Variants in CDC37L1 observed in about 807,000 individuals in gnomAD.
The protein encoded by CDC37L1 is hsp90 co-chaperone Cdc37-like 1.
A neutral mutation model predicts 45.9 loss-of-function variants in CDC37L1; 32 were observed. The ratio of observed to expected loss-of-function variants is 0.70; its 90% CI spans 0.53 to 0.94. The LOEUF is 0.94. CDC37L1 is among the 40% of genes least tolerant of loss of function. CDC37L1 has a pLI of 0.00. For missense variants in CDC37L1, 434 were observed against 405.7 expected (o/e 1.07, Z -0.60); for synonymous variants, 150 against 133.0 (o/e 1.13, Z -0.88).
chr9:4,687,830 G>C (rs1444848461), intron 2 of CDC37L1, among the ~76,000 whole-genome samples: 1 of 152,096 alleles, frequency 6.6e-6, no homozygotes, highest in Non-Finnish European at 1.5e-5. Flanking sequence ...GATTAGGCAA[G>C]AGTTGCAAAT....
chr9:4,697,988 T>G (rs1044490647), intron 5 of CDC37L1, 109 bp downstream of exon 5: 5 of 981,552 alleles, frequency 5.1e-6, no homozygotes, highest in South Asian at 3.2e-5. Context: ...ACAGGCTAAA[T>G]TCTGTAGATT....
chr9:4,687,011 A>G (rs2130844833), intron 2 of CDC37L1, among the ~76,000 whole-genome samples: 1 of 152,364 alleles, frequency 6.6e-6, no homozygotes, highest in Non-Finnish European at 1.5e-5. Flanking sequence ...TTGCTTTTTA[A>G]CGTGGCTAAT....
intron 1 of CDC37L1, among the ~76,000 whole-genome samples, chr9:4,683,891 C>CT (rs1169029614): frequency 6.6e-6 from 1 of 152,192 alleles, no homozygotes; most frequent in Non-Finnish European, 1.5e-5. Flanking sequence ...TATTGAATGT[C>CT]TATCACAGTA....
chr9:4,690,970 G>A (rs1057222684), intron 3 of CDC37L1, among the ~76,000 whole-genome samples: 2 of 152,228 alleles, frequency 1.3e-5, no homozygotes. Context: ...CCAACTTGTA[G>A]TCATGGGGAA....
chr9:4,685,883 C>G (rs1003679996), intron 2 of CDC37L1, among the ~76,000 whole-genome samples: 2 of 152,130 alleles, frequency 1.3e-5, no homozygotes, highest in Non-Finnish European at 2.9e-5. Flanking sequence ...GAAAAATAGG[C>G]CAGGCTTAGT....
chr9:4,703,961 C>G (rs952428706), intron 6 of CDC37L1, among the ~76,000 whole-genome samples: 1 of 152,052 alleles, frequency 6.6e-6, no homozygotes, highest in Admixed American at 6.6e-5. Flanking sequence ...TTTGAGCATC[C>G]TGATGTGGTC....
intron 1 of CDC37L1, among the ~76,000 whole-genome samples, chr9:4,682,733 A>C (rs1263879297): frequency 6.6e-6 from 1 of 151,788 alleles, no homozygotes; most frequent in African/African-American, 2.4e-5. Flanking sequence ...TCAGCCTCCC[A>C]AAGTGCTGGG....
chr9:4,687,215 T>C (rs955092742), intron 2 of CDC37L1, among the ~76,000 whole-genome samples: 2 of 152,202 alleles, frequency 1.3e-5, no homozygotes, highest in African/African-American at 4.8e-5. Context: ...GGTATAAATA[T>C]GATCACAGAA....
At chr9:4,680,810 C>G (rs962549035) in intron 1 of CDC37L1, among the ~76,000 whole-genome samples, 1 of 152,144 alleles carries the variant, frequency 6.6e-6, no homozygotes, top group African/African-American at 2.4e-5. Flanking sequence ...AAGAGTGTAA[C>G]AGATTTAATA....
intron 2 of CDC37L1, 93 bp downstream of exon 2, chr9:4,685,251 C>T (rs369239119): frequency 2.3e-5 from 22 of 957,138 alleles, no homozygotes; most frequent in African/African-American, 2.0e-4. Flanking sequence ...CAGCAGAATC[C>T]CATAAACAGT....
At chr9:4,703,751 A>C (rs1587625026) in intron 6 of CDC37L1, among the ~76,000 whole-genome samples, 1 of 152,210 alleles carries the variant, frequency 6.6e-6, no homozygotes, top group Non-Finnish European at 1.5e-5. Context: ...TGAGAGAAGT[A>C]AGTCCTTGTT....
intron 2 of CDC37L1, chr9:4,685,427 A>G (rs1381562682): frequency 3.4e-6 from 1 of 290,688 alleles, no homozygotes. Context: ...ATTAAAAAAC[A>G]TTCACAAGAA....
At position 4,679,775 on chromosome 9, in the gene CDC37L1, A is replaced by C. The variant is rs756399810; in HGVS notation, c.8A>C (p.Gln3Pro). The C allele has an allele frequency of 1.9e-6, 3 of 1,612,518 alleles. No homozygotes were observed. The highest frequency in any genetic ancestry group is 1.1e-5 in the South Asian group (1 of 90,980). The change falls in exon 1 of 7, where the codon CAA (glutamine) becomes CCA (proline). Residue 3 changes from glutamine to proline, a missense_variant. Coordinates refer to ENST00000381854, the MANE Select transcript of CDC37L1 (RefSeq NM_017913.4). ...GACCCGGAGCAGCCGGACATGGAAC[A>C]ACCGTGGCCGCCTCCGGGACCCTGG... ME[Q>P]PWPPPGPWSL...
chr9:4,691,199 G>T (rs1474352116), intron 3 of CDC37L1, among the ~76,000 whole-genome samples: 1 of 152,116 alleles, frequency 6.6e-6, no homozygotes, highest in Non-Finnish European at 1.5e-5. Flanking sequence ...AAATTCAGGG[G>T]TACATGTGCA....
At chr9:4,701,730 G>T in intron 5 of CDC37L1, 134 bp from the exon 6 acceptor site, 1 of 540,322 alleles carries the variant, frequency 1.9e-6, no homozygotes, top group East Asian at 3.3e-5. Context: ...CAGGGATCGT[G>T]GTGGTTTCTA....
rs764882435 is a variant in CDC37L1, at chr9:4,697,748, C to G, written c.625-9C>G. On this transcript the variant is annotated splice_polypyrimidine_tract_variant and intron_variant, in intron 4 of 6. Transcript: ENST00000381854. ...TATTTGTTTCTTATATCATTTAAAT[C>G]TTTTTCAGAAAGGGGCTTTAATGGA... 1 of 1,390,096 alleles carries G rather than the reference C, an allele frequency of 7.2e-7. No homozygotes were observed. Among genetic ancestry groups the G allele is most frequent in the Admixed American group, 1.8e-5 (1 of 54,698 alleles). The allele number at this position is 1,390,096 out of a possible 1,614,324, so 86.1% of individuals were successfully genotyped here. A position where few individuals can be genotyped will look rare whatever the true frequency, so the allele number is the denominator to read the frequency against.
chr9:4,683,398 G>C (rs1841216476), intron 1 of CDC37L1, among the ~76,000 whole-genome samples: 1 of 151,876 alleles, frequency 6.6e-6, no homozygotes, highest in African/African-American at 2.4e-5. Context: ...GCATAACTTG[G>C]GTCGGGAGAC....
intron 1 of CDC37L1, among the ~76,000 whole-genome samples, chr9:4,684,179 G>A (rs1391309050): frequency 6.6e-5 from 10 of 152,182 alleles, no homozygotes. Flanking sequence ...AGGTACTTGG[G>A]AGGCTGAGGC....
chr9:4,690,115 C>A (rs1310728204), intron 3 of CDC37L1, among the ~76,000 whole-genome samples: 1 of 152,168 alleles, frequency 6.6e-6, no homozygotes, highest in Non-Finnish European at 1.5e-5. Context: ...ATAAAACCTG[C>A]TTCTGGGTAG....
Sources: gnomAD v4.1 joint callset for allele counts (sites outside exome capture counted in the v4.1 genomes callset) on GRCh38, gnomAD v4.1.1 for gene constraint, MANE v1.5 for transcripts, NCBI Gene and HGNC (gene_info 2026-07-23, HGNC 2026-07-21) for gene names.